The following ACACB variants were observed in gnomAD, a reference collection of about 807,000 sequenced individuals.
ACACB encodes acetyl-CoA carboxylase beta, also known as acetyl-CoA carboxylase 2.
A neutral mutation model predicts 278.8 loss-of-function variants in ACACB; 209 were observed. The observed-to-expected ratio is 0.75, with a 90% confidence interval of 0.67 to 0.84. ACACB has a LOEUF of 0.84. Ranked by LOEUF, ACACB falls within the 40% of genes least tolerant of loss-of-function variation. The pLI, the probability that ACACB is intolerant of heterozygous loss-of-function variation, is 0.00. For missense variants in ACACB, 2,850 were observed against 3,269.0 expected (o/e 0.87, Z 3.13); for synonymous variants, 1,174 against 1,285.6 (o/e 0.91, Z 1.86).
chr12:109,206,232 A>G (rs1231626213), intron 19 of ACACB, among the ~76,000 whole-genome samples: 4 of 152,044 alleles, frequency 2.6e-5, no homozygotes, highest in African/African-American at 4.8e-5. Context: ...TCAAGAGATC[A>G]AGACCATCCT....
At chr12:109,256,844 A>G (rs527841347) in intron 45 of ACACB, among the ~76,000 whole-genome samples, 1 of 152,338 alleles carries the variant, frequency 6.6e-6, no homozygotes, top group South Asian at 2.1e-4. Flanking sequence ...TCACATCTGT[A>G]AAATAGGGAT....
rs571804959 is a variant in ACACB, at chr12:109,264,195, C to A, written c.6788-37C>A. 5.0e-6 allele frequency: 8 copies of A among 1,609,496 alleles called. No individual in the cohort carries two copies. In the Admixed American group the frequency reaches 1.2e-4, roughly 24 times the overall value. ...TCTCCACCCCATCACATATGACCAGCTTCCATGGCTTGACTGGCCTTTCTG... is the reference window on the plus strand; with the variant it reads ...TCTCCACCCCATCACATATGACCAGATTCCATGGCTTGACTGGCCTTTCTG... On this transcript the variant is annotated intron_variant, in intron 49 of 52. Transcript: ENST00000338432.
At position 109,140,255 on chromosome 12, in the gene ACACB, CATCCTTCCTTCCTTCT is replaced by C. The variant is rs1565857367; in HGVS notation, c.653+198_653+213del. 5.4e-4 allele frequency among the ~76,000 whole-genome samples: 63 copies of C among 116,968 alleles called. 1 individual carries two copies. The highest frequency in any genetic ancestry group is 2.9e-3 in the South Asian group (10 of 3,450). The allele number at this position is 116,968 out of a possible 152,430, so 76.7% of individuals were successfully genotyped here. A position where few individuals can be genotyped will look rare whatever the true frequency, so the allele number is the denominator to read the frequency against. On this transcript the variant is annotated intron_variant, in intron 2 of 52. Coordinates refer to ENST00000338432, the MANE Select transcript of ACACB (RefSeq NM_001093.4). ...CCTTCCTTCCTTCCTTCCTTCCTTC[CATCCTTCCTTCCTTCT>C]TTCCTTCCTTCCTTCCTTCCTTCCT... is the stretch of plus-strand genomic sequence containing the variant.
Position 109,198,419 on chromosome 12 carries a change from T to G in ACACB, c.2628-983T>G, listed in dbSNP as rs191383563. 9.6e-4 allele frequency among the ~76,000 whole-genome samples: 147 copies of G among 152,356 alleles called. 1 individual carries two copies. Among genetic ancestry groups the G allele is most frequent in the Non-Finnish European group, 1.7e-3 (118 of 68,034 alleles). On this transcript the variant is annotated intron_variant, in intron 17 of 52. Coordinates refer to ENST00000338432, the MANE Select transcript of ACACB (RefSeq NM_001093.4). ...TCACATCCTTTTTATTATTTTATTT[T>G]ATTTTAAAGACTGGTTCTTACTCTG...
At chr12:109,206,559 C>A in intron 19 of ACACB, 151 bp from the exon 20 acceptor site, 1 of 988,916 alleles carries the variant, frequency 1.0e-6, no homozygotes, top group Non-Finnish European at 1.5e-6. Flanking sequence ...GCCGTTTTAA[C>A]TTTCCAGTTC....
At chr12:109,141,272 G>A (rs2043117081) in intron 2 of ACACB, among the ~76,000 whole-genome samples, 1 of 152,134 alleles carries the variant, frequency 6.6e-6, no homozygotes, top group African/African-American at 2.4e-5. Flanking sequence ...CTGAAAAGCA[G>A]AAACTCAAAC....
intron 12 of ACACB, among the ~76,000 whole-genome samples, chr12:109,186,755 A>C (rs757823942): frequency 6.6e-6 from 1 of 152,080 alleles, no homozygotes; most frequent in South Asian, 2.1e-4. Context: ...TTGGCTGTGA[A>C]CCAAACACCA....
intron 4 of ACACB, among the ~76,000 whole-genome samples, chr12:109,170,443 A>G (rs1266292706): frequency 1.3e-5 from 2 of 152,182 alleles, no homozygotes; most frequent in Non-Finnish European, 2.9e-5. Flanking sequence ...AAATCAAAAC[A>G]TTGCGTTATG....
At chr12:109,132,505 G>T (rs941075025) in intron 1 of ACACB, among the ~76,000 whole-genome samples, 5 of 152,182 alleles carry the variant, frequency 3.3e-5, no homozygotes, top group African/African-American at 1.2e-4. Flanking sequence ...GTGGTGGTGA[G>T]GGTCTTGGGA....
intron 49 of ACACB, chr12:109,264,010 C>A (rs752957759): frequency 7.4e-6 from 4 of 543,498 alleles, no homozygotes; most frequent in Admixed American, 3.2e-5. Flanking sequence ...CAAGATGGGC[C>A]TGGGGTGGGG....
At chr12:109,210,254 C>T (rs866979308) in intron 21 of ACACB, among the ~76,000 whole-genome samples, 1 of 24,594 alleles carries the variant, frequency 4.1e-5, no homozygotes, top group Non-Finnish European at 7.4e-5. Flanking sequence ...TATATACACA[C>T]ATGTGTGTAT....
At chr12:109,231,077 C>T (rs1337477680) in intron 28 of ACACB, among the ~76,000 whole-genome samples, 1 of 152,158 alleles carries the variant, frequency 6.6e-6, no homozygotes, top group Non-Finnish European at 1.5e-5. Context: ...TGGCCCTCAA[C>T]ACTTGTGTGT....
At chr12:109,176,630 ATTTTT>A (rs2044291479) in intron 9 of ACACB, among the ~76,000 whole-genome samples, 1 of 152,030 alleles carries the variant, frequency 6.6e-6, no homozygotes, top group South Asian at 2.1e-4. Context: ...ATTTTATTTT[ATTTTT>A]GAGACAGAGT....
At chr12:109,264,928 A>G (rs1321394521) in intron 50 of ACACB, among the ~76,000 whole-genome samples, 182 bp from the exon 51 acceptor site, 1 of 152,076 alleles carries the variant, frequency 6.6e-6, no homozygotes, top group Non-Finnish European at 1.5e-5. Context: ...AGTCCTGGTG[A>G]CGTCCTGCCT....
chr12:109,136,158 A>G (rs2042962580), intron 1 of ACACB, among the ~76,000 whole-genome samples: 1 of 152,224 alleles, frequency 6.6e-6, no homozygotes, highest in South Asian at 2.1e-4. Flanking sequence ...ATCCATGTCA[A>G]AAATAGATTG....
Position 109,266,338 on chromosome 12 carries a change from C to A in ACACB, c.7353C>A (p.Thr2451=). The stretch of plus-strand genomic sequence containing the variant: ...CGCAGGTCGTTCACCTGCTGTCTAC[C>A]ATGGACAGCCCGGCCTCCACCTGAC... ...ERAQVVHLLS[T]MDSPAST is the part of the protein sequence containing the mutation. The change falls in exon 53 of 53, where the codon ACC becomes ACA. Residue 2451 remains threonine (T), a synonymous_variant. Coordinates refer to ENST00000338432, the MANE Select transcript of ACACB (RefSeq NM_001093.4). 1 of 1,611,392 alleles carries A rather than the reference C, an allele frequency of 6.2e-7. No homozygotes were observed. The highest frequency in any genetic ancestry group is 8.5e-7 in the Non-Finnish European group (1 of 1,179,676).
intron 21 of ACACB, among the ~76,000 whole-genome samples, chr12:109,211,479 C>T (rs1205695388): frequency 1.3e-5 from 2 of 151,778 alleles, no homozygotes; most frequent in African/African-American, 2.4e-5. Flanking sequence ...TCTTGAACTC[C>T]TGACCTCAGG....
chr12:109,244,416 C>G (rs1203767674), intron 37 of ACACB, among the ~76,000 whole-genome samples: 3 of 152,124 alleles, frequency 2.0e-5, no homozygotes, highest in Non-Finnish European at 4.4e-5. Flanking sequence ...CAGTACCTAC[C>G]AAAAGTTGTT....
At chr12:109,210,182 T>C (rs62652099) in intron 21 of ACACB, among the ~76,000 whole-genome samples, 1,151 of 34,070 alleles carry the variant, frequency 0.034, 138 homozygotes, top group Non-Finnish European at 0.055. Flanking sequence ...TATGTATATA[T>C]ACACACGTGT....
Sources: gnomAD v4.1 joint callset for allele counts (sites outside exome capture counted in the v4.1 genomes callset) on GRCh38, gnomAD v4.1.1 for gene constraint, MANE v1.5 for transcripts, NCBI Gene and HGNC (gene_info 2026-07-23, HGNC 2026-07-21) for gene names.